Variants in CNTN4 observed in about 807,000 individuals in gnomAD.
CNTN4 encodes contactin-4.
In CNTN4, 77 loss-of-function variants were observed where a neutral mutation model predicts 122.5. The ratio of observed to expected loss-of-function variants is 0.63; its 90% confidence interval spans 0.52 to 0.76. The LOEUF (loss-of-function observed/expected upper bound fraction) is 0.76. CNTN4 is among the 30% of genes least tolerant of loss of function. The pLI is 0.00. For synonymous variants in CNTN4, 512 were observed against 447.0 expected (o/e 1.15, Z -1.83); for missense variants, 1,256 against 1,259.1 (o/e 1.00, Z 0.04).
At chr3:2,650,039 A>G (rs920511618) in intron 4 of CNTN4, among the ~76,000 whole-genome samples, 5 of 147,484 alleles carry the variant, frequency 3.4e-5, no homozygotes, top group African/African-American at 4.9e-5. Flanking sequence ...TATATAATAT[A>G]AATTCATATT....
intron 3 of CNTN4, among the ~76,000 whole-genome samples, chr3:2,383,465 C>G (rs2046108004): frequency 6.6e-6 from 1 of 152,004 alleles, no homozygotes; most frequent in African/African-American, 2.4e-5. Context: ...TTTATTTTTT[C>G]CATTTCACGG....
At chr3:2,140,005 G>A (rs371515957) in intron 2 of CNTN4, among the ~76,000 whole-genome samples, 11 of 152,142 alleles carry the variant, frequency 7.2e-5, no homozygotes, top group East Asian at 3.9e-4. Context: ...TTACTGTGCC[G>A]TTCTTGTCAT....
At chr3:2,294,366 C>T (rs1294909663) in intron 2 of CNTN4, among the ~76,000 whole-genome samples, 1 of 149,548 alleles carries the variant, frequency 6.7e-6, no homozygotes, top group Non-Finnish European at 1.5e-5. Context: ...TGCGGTGGCT[C>T]ACGCCTGTAA....
chr3:2,897,699 T>G (rs2094130420), intron 10 of CNTN4, among the ~76,000 whole-genome samples: 1 of 152,204 alleles, frequency 6.6e-6, no homozygotes, highest in Non-Finnish European at 1.5e-5. Flanking sequence ...TTGCATAATT[T>G]AATGCATGAA....
At chr3:3,037,480 G>C (rs189866988) in intron 18 of CNTN4, 152 bp downstream of exon 18, 4 of 1,085,238 alleles carry the variant, frequency 3.7e-6, no homozygotes, top group Admixed American at 3.7e-5. Flanking sequence ...ATCAGGCCAG[G>C]AGAAGCCCAG....
intron 2 of CNTN4, among the ~76,000 whole-genome samples, chr3:2,191,284 T>G (rs531964451): frequency 6.7e-6 from 1 of 150,230 alleles, no homozygotes; most frequent in Non-Finnish European, 1.5e-5. Context: ...AACCCAGACA[T>G]AGAACTCAAC....
chr3:2,227,206 T>A (rs1358482515), intron 2 of CNTN4, among the ~76,000 whole-genome samples: 1 of 152,214 alleles, frequency 6.6e-6, no homozygotes, highest in African/African-American at 2.4e-5. Context: ...TTTGCAAACT[T>A]CTATTATTTA....
chr3:2,647,741 G>A (rs750184031), intron 4 of CNTN4, among the ~76,000 whole-genome samples: 5 of 152,090 alleles, frequency 3.3e-5, no homozygotes, highest in Non-Finnish European at 5.9e-5. Context: ...AACTAAGACA[G>A]GATAGGGAAA....
At chr3:2,339,917 C>T (rs917359811) in intron 3 of CNTN4, among the ~76,000 whole-genome samples, 3 of 152,256 alleles carry the variant, frequency 2.0e-5, no homozygotes, top group African/African-American at 4.8e-5. Flanking sequence ...TCTTTGCTTC[C>T]TCTAGCTTCT....
At chr3:2,325,041 G>A (rs1303459998) in intron 2 of CNTN4, among the ~76,000 whole-genome samples, 1 of 152,156 alleles carries the variant, frequency 6.6e-6, no homozygotes, top group Non-Finnish European at 1.5e-5. Flanking sequence ...GAAACCTGAA[G>A]GGGTAGTGAA....
At chr3:2,330,623 A>G (rs2043679524) in intron 2 of CNTN4, among the ~76,000 whole-genome samples, 1 of 150,960 alleles carries the variant, frequency 6.6e-6, no homozygotes, top group Non-Finnish European at 1.5e-5. Context: ...AGGCATTTAT[A>G]AGACACAGAG....
intron 14 of CNTN4, among the ~76,000 whole-genome samples, chr3:2,995,956 GA>G (rs1695495412): frequency 6.6e-6 from 1 of 152,062 alleles, no homozygotes; most frequent in Non-Finnish European, 1.5e-5. Context: ...GTAATGAAAA[GA>G]AAATACAAGG....
chr3:2,932,294 C>T lies in CNTN4; in HGVS notation c.1358+6515C>T, dbSNP rs545857734. Among the ~76,000 whole-genome samples the T allele has an allele frequency of 4.1e-4, 63 of 152,236 alleles. 1 individual carries two copies. In the South Asian group the frequency reaches 0.012, roughly 29 times the overall value. Reference sequence around the variant, plus strand: ...TCGGGAGGCTGAGGCAGGAGAATGGCGTGAACCCAGAAGGCGGAGCTTGCA... The same window carrying T: ...TCGGGAGGCTGAGGCAGGAGAATGGTGTGAACCCAGAAGGCGGAGCTTGCA... On this transcript the variant is annotated intron_variant, in intron 13 of 24. Transcript: ENST00000418658.
intron 15 of CNTN4, 127 bp from the exon 16 acceptor site, chr3:3,030,728 G>A (rs1699091671): frequency 8.8e-7 from 1 of 1,139,728 alleles, no homozygotes; most frequent in Non-Finnish European, 1.3e-6. Context: ...ACAGGCCATG[G>A]TTTGCATCAC....
At chr3:2,726,440 G>A (rs1444322121) in intron 4 of CNTN4, among the ~76,000 whole-genome samples, 2 of 152,180 alleles carry the variant, frequency 1.3e-5, no homozygotes, top group African/African-American at 2.4e-5. Flanking sequence ...AGTTGAAAGA[G>A]TAGGAGGGTT....
chr3:2,806,693 G>A (rs2092475672), intron 6 of CNTN4, among the ~76,000 whole-genome samples: 1 of 152,100 alleles, frequency 6.6e-6, no homozygotes, highest in South Asian at 2.1e-4. Context: ...AGTTTCCTCA[G>A]GTGTTACATG....
At chr3:2,394,239 G>T (rs13067293) in intron 3 of CNTN4, among the ~76,000 whole-genome samples, 22,963 of 151,928 alleles carry the variant, frequency 0.15, 2,174 homozygotes, top group Middle Eastern at 0.24. Flanking sequence ...GCCCCTAGAG[G>T]CTGAGTAGGC....
chr3:2,214,565 C>G (rs1302276253), intron 2 of CNTN4, among the ~76,000 whole-genome samples: 1 of 152,110 alleles, frequency 6.6e-6, no homozygotes, highest in African/African-American at 2.4e-5. Context: ...GAAAATTATG[C>G]ATGACTGAAT....
chr3:2,400,423 A>ATATG (rs2046804824), intron 3 of CNTN4, among the ~76,000 whole-genome samples: 1 of 60,428 alleles, frequency 1.7e-5, no homozygotes, highest in Admixed American at 2.3e-4. Flanking sequence ...ATATATATAT[A>ATATG]TATACATATA....
Sources: allele counts gnomAD v4.1 joint callset (sites outside exome capture counted in the v4.1 genomes callset), GRCh38; gene constraint gnomAD v4.1.1; transcripts MANE v1.5; gene names NCBI Gene and HGNC (gene_info 2026-07-23, HGNC 2026-07-21).